Variants in EXOC6B observed in about 807,000 individuals in gnomAD.
EXOC6B encodes the protein exocyst complex component 6B.
In EXOC6B, 54 loss-of-function variants were observed where a neutral mutation model predicts 113.5. That is an observed-to-expected ratio of 0.48 (90% CI 0.38 to 0.60). The LOEUF (loss-of-function observed/expected upper bound fraction) is 0.60. Ranked by LOEUF, EXOC6B falls within the 20% of genes least tolerant of loss-of-function variation. EXOC6B has a pLI of 0.00. For synonymous variants in EXOC6B, 357 were observed against 339.0 expected (o/e 1.05, Z -0.58); for missense variants, 797 against 977.5 (o/e 0.82, Z 2.46).
intron 18 of EXOC6B, among the ~76,000 whole-genome samples, chr2:72,455,172 G>A (rs1226115985): frequency 6.6e-6 from 1 of 152,118 alleles, no homozygotes; most frequent in East Asian, 1.9e-4. Flanking sequence ...AAGGACACCT[G>A]AAACTTCTTT....
chr2:72,332,113 C>G (rs1688446489), intron 20 of EXOC6B, among the ~76,000 whole-genome samples: 1 of 137,328 alleles, frequency 7.3e-6, no homozygotes, highest in Non-Finnish European at 1.5e-5. Flanking sequence ...AAAGAATATC[C>G]TTGCTGCACT....
At chr2:72,731,117 AT>A (rs1380419098) in intron 4 of EXOC6B, 37 bp downstream of exon 4, 1 of 1,577,728 alleles carries the variant, frequency 6.3e-7, no homozygotes, top group Non-Finnish European at 8.6e-7. Flanking sequence ...CAAAAAAAAA[AT>A]TACACCAAGA....
chr2:72,340,812 G>T lies in EXOC6B; in HGVS notation c.2123-5792C>A, dbSNP rs868094818. 2.0e-5 allele frequency among the ~76,000 whole-genome samples: 3 copies of T among 152,256 alleles called. No individual in the cohort carries two copies. The Middle Eastern group carries it at 0.01, about 518-fold the overall frequency. ...GGCTCCCTGGAGCAACAGATGAAGG[G>T]TGTGCTAGACTATGAAGTGTCTAGG... On this transcript the variant is annotated intron_variant, in intron 19 of 21. Coordinates refer to ENST00000272427, the MANE Select transcript of EXOC6B (RefSeq NM_015189.3).
chr2:72,676,548 A>T (rs1399585706), intron 6 of EXOC6B, among the ~76,000 whole-genome samples: 3 of 152,240 alleles, frequency 2.0e-5, no homozygotes, highest in African/African-American at 7.2e-5. Flanking sequence ...AGAGTACACA[A>T]TAGGCTTTGT....
At chr2:72,492,462 A>T (rs1216576927) in intron 15 of EXOC6B, 33 bp from the exon 16 acceptor site, 1 of 1,414,010 alleles carries the variant, frequency 7.1e-7, no homozygotes, top group Admixed American at 1.7e-5. Context: ...CAGTCATAGC[A>T]GGTAGCAGAA....
chr2:72,620,247 C>A (rs919206982), intron 6 of EXOC6B, among the ~76,000 whole-genome samples: 2 of 152,148 alleles, frequency 1.3e-5, no homozygotes. Flanking sequence ...TCCAGCCCAG[C>A]TGGAACCCGA....
chr2:72,245,306 A>G (rs1682579033), intron 20 of EXOC6B, among the ~76,000 whole-genome samples: 1 of 152,228 alleles, frequency 6.6e-6, no homozygotes, highest in Admixed American at 6.5e-5. Context: ...GGGACAGAAT[A>G]AAAGGTCTAC....
At chr2:72,734,804 G>C (rs1353674771) in intron 2 of EXOC6B, among the ~76,000 whole-genome samples, 1 of 152,140 alleles carries the variant, frequency 6.6e-6, no homozygotes, top group Non-Finnish European at 1.5e-5. Context: ...CATTTGCAGA[G>C]GGAGTCAAAG....
intron 8 of EXOC6B, among the ~76,000 whole-genome samples, chr2:72,546,403 T>C (rs930730008): frequency 1.3e-5 from 2 of 151,764 alleles, no homozygotes; most frequent in Non-Finnish European, 2.9e-5. Context: ...GATGGCGCCA[T>C]TGCACTCCAG....
intron 18 of EXOC6B, among the ~76,000 whole-genome samples, chr2:72,387,060 C>A (rs997842678): frequency 2.0e-5 from 3 of 152,156 alleles, no homozygotes; most frequent in Non-Finnish European, 2.9e-5. Context: ...GACTAGCCTA[C>A]ACTGCTGACA....
At chr2:72,241,527 A>G (rs1185384356) in intron 20 of EXOC6B, among the ~76,000 whole-genome samples, 4 of 152,184 alleles carry the variant, frequency 2.6e-5, no homozygotes, top group African/African-American at 9.6e-5. Context: ...CAAGATAAAT[A>G]CCAAAAAATC....
chr2:72,578,901 G>A (rs1000519971), intron 6 of EXOC6B, among the ~76,000 whole-genome samples: 2 of 152,056 alleles, frequency 1.3e-5, no homozygotes, highest in East Asian at 1.9e-4. Context: ...GGAATAACAG[G>A]AGATAAAGAT....
rs1042071956 is a variant in EXOC6B at position 72,408,122 on chromosome 2, T to C, written c.1981-28252A>G. ...AGTGAACTCCCATTCACAATTGCTT[T>C]AAAGAGAATAAAATACCTAGGAATC... On this transcript the variant is annotated intron_variant, in intron 18 of 21. Coordinates refer to ENST00000272427, the MANE Select transcript of EXOC6B (RefSeq NM_015189.3). Among the ~76,000 whole-genome samples, 7 of 152,092 alleles carry C rather than the reference T, an allele frequency of 4.6e-5. No homozygotes were observed. In the East Asian group the frequency reaches 5.8e-4, roughly 13 times the overall value.
chr2:72,207,116 G>A (rs1679887517), intron 20 of EXOC6B, among the ~76,000 whole-genome samples: 1 of 152,098 alleles, frequency 6.6e-6, no homozygotes, highest in Admixed American at 6.6e-5. Context: ...AATACATATA[G>A]ATAAATGTAA....
intron 11 of EXOC6B, among the ~76,000 whole-genome samples, chr2:72,512,040 A>G (rs566702671): frequency 1.3e-5 from 2 of 152,102 alleles, no homozygotes; most frequent in African/African-American, 2.4e-5. Context: ...ACTGTTCTTT[A>G]GGACTAAAAT....
chr2:72,648,541 C>T (rs1316389271), intron 6 of EXOC6B, among the ~76,000 whole-genome samples: 1 of 152,174 alleles, frequency 6.6e-6, no homozygotes, highest in African/African-American at 2.4e-5. Flanking sequence ...AAATGTCCAT[C>T]AATGATAGAC....
intron 5 of EXOC6B, among the ~76,000 whole-genome samples, chr2:72,723,022 T>C (rs774254124): frequency 6.6e-6 from 1 of 152,160 alleles, no homozygotes; most frequent in Non-Finnish European, 1.5e-5. Context: ...ATTTTAACTA[T>C]AACAAATCAG....
intron 16 of EXOC6B, among the ~76,000 whole-genome samples, chr2:72,487,277 G>A (rs544269529): frequency 1.8e-3 from 269 of 152,182 alleles, no homozygotes; most frequent in Non-Finnish European, 3.2e-3. Flanking sequence ...TAGTTGTCAC[G>A]TCTTCTTAGT....
intron 6 of EXOC6B, among the ~76,000 whole-genome samples, chr2:72,642,578 C>T (rs1182290934): frequency 1.2e-4 from 17 of 146,848 alleles, no homozygotes; most frequent in Admixed American, 8.9e-4. Flanking sequence ...AAGCTGAAAC[C>T]GGATCCCTTC....
Sources: gnomAD v4.1 joint callset for allele counts (sites outside exome capture counted in the v4.1 genomes callset) on GRCh38, gnomAD v4.1.1 for gene constraint, MANE v1.5 for transcripts, NCBI Gene and HGNC (gene_info 2026-07-23, HGNC 2026-07-21) for gene names.